NASP: variants seen among roughly 807,000 people sequenced by gnomAD.
NASP encodes nuclear autoantigenic sperm protein, also known as NASP histone chaperone.
A neutral mutation model predicts 89.5 loss-of-function variants in NASP; 24 were observed. The observed-to-expected ratio is 0.27, with a 90% CI of 0.19 to 0.38. The LOEUF is 0.38. Among genes scored for constraint, NASP ranks in the 10% least tolerant of loss-of-function variants. NASP has a pLI of 1.00. For missense variants in NASP, 848 were observed against 921.4 expected (o/e 0.92, Z 1.03); for synonymous variants, 306 against 324.7 (o/e 0.94, Z 0.62).
chr1:45,606,440 T>A, intron 4 of NASP, 42 bp from the exon 5 acceptor site: 1 of 1,461,398 alleles, frequency 6.8e-7, no homozygotes, highest in Non-Finnish European at 9.6e-7. Context: ...AATTGCTAGG[T>A]TCTAGCCATC....
chr1:45,607,244 G>A (rs1643921999), intron 5 of NASP, 77 bp from the exon 6 acceptor site: 2 of 1,432,902 alleles, frequency 1.4e-6, no homozygotes, highest in African/African-American at 2.9e-5. Flanking sequence ...TAAAGGGAAT[G>A]TATTTTTAGT....
chr1:45,592,352 A>G (rs910752791), intron 2 of NASP, among the ~76,000 whole-genome samples: 3 of 152,084 alleles, frequency 2.0e-5, no homozygotes, highest in African/African-American at 4.8e-5. Flanking sequence ...GGCTCAAGCA[A>G]TCCCCCTGCC....
At chr1:45,602,122 A>C (rs1227521361) in intron 2 of NASP, 133 bp from the exon 3 acceptor site, 1 of 1,024,288 alleles carries the variant, frequency 9.8e-7, no homozygotes, top group Non-Finnish European at 1.3e-6. Context: ...GATGGTAAAT[A>C]AGTGTGTTAG....
Position 45,615,417 on chromosome 1 carries a change from A to G in NASP, c.1968A>G (p.Ala656=). ...LPEIREKIED[A]KESQRSGNVA... is the part of the protein sequence containing the mutation. ...AAATTAGAGAGAAGATAGAAGATGC[A>G]AAGGAGTCTCAGCGTAGTGGGAATG... is the stretch of plus-strand genomic sequence containing the variant. The change falls in exon 11 of 15, where the codon GCA becomes GCG. Residue 656 remains alanine, a synonymous_variant. Coordinates refer to ENST00000350030, the MANE Select transcript of NASP (RefSeq NM_002482.4). The G allele has an allele frequency of 1.2e-6, 2 of 1,614,216 alleles. No individual in the cohort carries two copies. Among genetic ancestry groups the G allele is most frequent in the Non-Finnish European group, 1.7e-6 (2 of 1,180,022 alleles).
At chr1:45,593,904 G>T (rs1008293231) in intron 2 of NASP, among the ~76,000 whole-genome samples, 1 of 151,322 alleles carries the variant, frequency 6.6e-6, no homozygotes. Flanking sequence ...TGGCACTTGC[G>T]TGTGGTCCCA....
At chr1:45,586,298 T>TGTGTGTGTGTGTGTGTGTGTGTGTGTG (rs1644547744) in intron 1 of NASP, among the ~76,000 whole-genome samples, 1 of 96,566 alleles carries the variant, frequency 1.0e-5, no homozygotes, top group Non-Finnish European at 2.1e-5. Flanking sequence ...TGTGTGTGTG[T>TGTGTGTGTGTGTGTGTGTGTGTGTGTG]GTGTGTGTGT....
chr1:45,608,777 G>A (rs557186204), intron 6 of NASP, among the ~76,000 whole-genome samples: 15 of 152,118 alleles, frequency 9.9e-5, no homozygotes, highest in Non-Finnish European at 1.6e-4. Context: ...TTTTCTGTGC[G>A]TTGGGAAGCA....
chr1:45,595,548 C>T (rs1449177006), intron 2 of NASP, among the ~76,000 whole-genome samples: 1 of 152,010 alleles, frequency 6.6e-6, no homozygotes, highest in Non-Finnish European at 1.5e-5. Flanking sequence ...TCTTGTATAC[C>T]TTTGGGGTCT....
At chr1:45,602,162 T>C in intron 2 of NASP, 93 bp from the exon 3 acceptor site, 2 of 1,471,744 alleles carry the variant, frequency 1.4e-6, no homozygotes, top group Non-Finnish European at 1.8e-6. Flanking sequence ...TCCAAAAGTT[T>C]TAAAAAATGA....
At chr1:45,584,779 C>T (rs182833646) in intron 1 of NASP, among the ~76,000 whole-genome samples, 6 of 152,234 alleles carry the variant, frequency 3.9e-5, no homozygotes, top group African/African-American at 1.2e-4. Context: ...GGCGGGAAAA[C>T]TCCATTGTTT....
chr1:45,595,833 A>G (rs1222691160), intron 2 of NASP, among the ~76,000 whole-genome samples: 1 of 152,242 alleles, frequency 6.6e-6, no homozygotes, highest in Non-Finnish European at 1.5e-5. Context: ...CTGGCAAAAT[A>G]GGAATTATGG....
chr1:45,584,200 C>A lies in NASP; in HGVS notation c.54C>A (p.Ala18=), dbSNP rs369320746. The A allele has an allele frequency of 8.2e-6, 13 of 1,589,422 alleles. No homozygotes were observed. The highest frequency in any genetic ancestry group is 1.0e-5 in the Non-Finnish European group (12 of 1,167,720). Residue 18 remains alanine, a synonymous_variant, in exon 1 of 15, where the codon GCC becomes GCA. Coordinates refer to ENST00000350030, the MANE Select transcript of NASP (RefSeq NM_002482.4). ...CCGTCGCCGCGGAGCTGGTTTCTGC[C>A]GACAAGTAAGCGGGACTGTGGAAAG... ...TAAVAAELVS[A]DKIEDVPAPS...
At chr1:45,586,700 T>C (rs2148324499) in intron 1 of NASP, among the ~76,000 whole-genome samples, 1 of 152,274 alleles carries the variant, frequency 6.6e-6, no homozygotes, top group Non-Finnish European at 1.5e-5. Flanking sequence ...AGAGGTAAAG[T>C]TTATAAGGTC....
At chr1:45,599,674 G>T (rs939526570) in intron 2 of NASP, among the ~76,000 whole-genome samples, 2 of 150,368 alleles carry the variant, frequency 1.3e-5, no homozygotes, top group African/African-American at 4.9e-5. Context: ...TGATCTGCCC[G>T]CCTCAGCCTC....
chr1:45,599,552 C>T (rs138773879), intron 2 of NASP, among the ~76,000 whole-genome samples: 135 of 152,216 alleles, frequency 8.9e-4, no homozygotes, highest in African/African-American at 2.6e-3. Flanking sequence ...CTCAGTCTCC[C>T]GAGTAGCTGG....
chr1:45,616,214 T>C (rs1644102759), intron 11 of NASP, 123 bp from the exon 12 acceptor site: 1 of 866,024 alleles, frequency 1.2e-6, no homozygotes, highest in Non-Finnish European at 1.9e-6. Flanking sequence ...CTGGATACTA[T>C]ATGGAGGCCA....
intron 11 of NASP, chr1:45,615,864 C>T: frequency 5.0e-6 from 1 of 201,446 alleles, no homozygotes; most frequent in Non-Finnish European, 1.0e-5. Context: ...GAGAGCATTT[C>T]CTTTGAGTGT....
At chr1:45,614,485 C>T (rs1227267193) in intron 9 of NASP, 119 bp downstream of exon 9, 6 of 777,714 alleles carry the variant, frequency 7.7e-6, no homozygotes, top group Non-Finnish European at 1.1e-5. Flanking sequence ...CCCTGTAGAC[C>T]CTGGAACAAT....
chr1:45,617,359 T>G, intron 13 of NASP, 104 bp from the exon 14 acceptor site: 2 of 1,352,066 alleles, frequency 1.5e-6, no homozygotes, highest in Non-Finnish European at 2.0e-6. Flanking sequence ...CTGTGAATCC[T>G]GATGTTCAGG....
Sources: allele counts gnomAD v4.1 joint callset (sites outside exome capture counted in the v4.1 genomes callset), GRCh38; gene constraint gnomAD v4.1.1; transcripts MANE v1.5; gene names NCBI Gene and HGNC (gene_info 2026-07-23, HGNC 2026-07-21).